ABHD12: variants seen among roughly 807,000 people sequenced by gnomAD.
ABHD12 encodes lysophosphatidylserine lipase ABHD12.
ABHD12 carries 43 observed loss-of-function variants against 58.3 expected under a neutral mutation model. That is an observed-to-expected ratio of 0.74 (90% CI 0.58 to 0.95). The LOEUF is 0.95. Ranked by LOEUF, ABHD12 falls within the 40% of genes least tolerant of loss-of-function variation. The pLI, the probability that ABHD12 is intolerant of heterozygous loss-of-function variation, is 0.00. For synonymous variants in ABHD12, 219 were observed against 211.2 expected, an observed-to-expected ratio of 1.04 and a Z score of -0.32; for missense variants, 539 against 537.2, an observed-to-expected ratio of 1.00 and a Z score of -0.03.
chr20:25,341,670 T>C (rs1233698036), intron 1 of ABHD12, among the ~76,000 whole-genome samples: 2 of 152,150 alleles, frequency 1.3e-5, no homozygotes, highest in African/African-American at 4.8e-5. Flanking sequence ...CTGCAACACA[T>C]CTTAGCTTCC....
intron 4 of ABHD12, among the ~76,000 whole-genome samples, chr20:25,319,867 T>C (rs1390462580): frequency 6.6e-6 from 1 of 152,204 alleles, no homozygotes; most frequent in Admixed American, 6.5e-5. Context: ...TCAGCCTCCT[T>C]CATCCCAATC....
intron 1 of ABHD12, among the ~76,000 whole-genome samples, chr20:25,344,646 C>T (rs754273307): frequency 1.1e-4 from 17 of 152,262 alleles, no homozygotes; most frequent in Admixed American, 3.3e-4. Context: ...AGTTATTTCC[C>T]GGATATTGAC....
intron 4 of ABHD12, among the ~76,000 whole-genome samples, chr20:25,318,939 C>T (rs1029474967): frequency 1.3e-5 from 2 of 152,238 alleles, no homozygotes; most frequent in Non-Finnish European, 2.9e-5. Flanking sequence ...ATGCTCTCTG[C>T]AGGGTTCCAC....
In ABHD12 at chr20:25,329,078, G is replaced by A. The variant is rs563753011; in HGVS notation, c.317-5648C>T. On this transcript the variant is annotated intron_variant, in intron 2 of 12. Transcript: ENST00000339157. The stretch of plus-strand genomic sequence containing the variant: ...ACTCCTGCAGGCCAGTGCCAGGCGA[G>A]TGCCAGGACCCTCTGGCCTCCCACG... Among the ~76,000 whole-genome samples, 18 of 152,342 alleles carry A rather than the reference G, an allele frequency of 1.2e-4. No individual in the cohort carries two copies. The South Asian group carries it at 2.7e-3, about 23-fold the overall frequency.
At position 25,353,071 on chromosome 20, in the gene ABHD12, C is replaced by T. The variant is rs150056095; in HGVS notation, c.192-13720G>A. On this transcript the variant is annotated intron_variant, in intron 1 of 12. Coordinates refer to ENST00000339157, the MANE Select transcript of ABHD12 (RefSeq NM_001042472.3). Reference sequence around the variant, plus strand: ...GGTGATTTTAAATTAGCAGCTCTATCGCCACCACAGTTCTGTCATCTAATT... The same window carrying T: ...GGTGATTTTAAATTAGCAGCTCTATTGCCACCACAGTTCTGTCATCTAATT... Among the ~76,000 whole-genome samples the T allele has an allele frequency of 2.6e-3, 398 of 152,258 alleles. 2 individuals are homozygous for T. Among genetic ancestry groups the T allele is most frequent in the Non-Finnish European group, 2.4e-3 (162 of 68,022 alleles).
intron 11 of ABHD12, 113 bp from the exon 12 acceptor site, chr20:25,302,459 T>TA (rs1780294835): frequency 7.2e-7 from 1 of 1,395,840 alleles, no homozygotes; most frequent in Middle Eastern, 2.5e-4. Context: ...GAGTCCCACA[T>TA]ACACTGCTTG....
intron 4 of ABHD12, among the ~76,000 whole-genome samples, chr20:25,317,895 T>C (rs2088992072): frequency 6.6e-6 from 1 of 152,118 alleles, no homozygotes; most frequent in Non-Finnish European, 1.5e-5. Flanking sequence ...GGGTCCACAC[T>C]CTCCACACTC....
At chr20:25,335,819 A>C in intron 2 of ABHD12, among the ~76,000 whole-genome samples, 1 of 90,384 alleles carries the variant, frequency 1.1e-5, no homozygotes, top group Non-Finnish European at 2.1e-5. Flanking sequence ...GGGTGGGGGG[A>C]GGGGGGAGGG....
intron 1 of ABHD12, among the ~76,000 whole-genome samples, chr20:25,383,847 C>T (rs1248014288): frequency 1.4e-5 from 2 of 146,380 alleles, no homozygotes; most frequent in South Asian, 2.2e-4. Context: ...CCCAGCTACT[C>T]GGGAGGTTGA....
rs2089980551 is a variant in ABHD12, at chr20:25,378,004, C to T, written c.191+12509G>A. On this transcript the variant is annotated intron_variant, in intron 1 of 12. Transcript: ENST00000339157. ...GGCCACCGCGTCCGGCCAGGTCCCA[C>T]TTCTTATATGTAGTTAGTACTACAT... Among the ~76,000 whole-genome samples the T allele has an allele frequency of 3.9e-5, 6 of 152,156 alleles. No individual in the cohort carries two copies. The South Asian group carries it at 1.2e-3, about 31-fold the overall frequency.
chr20:25,388,026 G>A (rs969153948), intron 1 of ABHD12, among the ~76,000 whole-genome samples: 14 of 132,476 alleles, frequency 1.1e-4, no homozygotes, highest in South Asian at 9.3e-4. Flanking sequence ...GCGACAAAGC[G>A]AGACTCCTTC....
rs548381644 is a variant in ABHD12 at position 25,360,798 on chromosome 20, G to T, written c.192-21447C>A. ...ACAGCACCAGGTACCCGTGGCGGGA[G>T]GATCAGGTGGAGGCCAGGATCAGGC... On this transcript the variant is annotated intron_variant, in intron 1 of 12. Transcript: ENST00000339157. Among the ~76,000 whole-genome samples the T allele has an allele frequency of 3.9e-5, 6 of 152,310 alleles. No individual in the cohort carries two copies. In the East Asian group the frequency reaches 1.2e-3, roughly 29 times the overall value.
chr20:25,382,135 C>T (rs2090029800), intron 1 of ABHD12, among the ~76,000 whole-genome samples: 1 of 152,212 alleles, frequency 6.6e-6, no homozygotes, highest in Admixed American at 6.5e-5. Context: ...GAGTGTTACA[C>T]AACTCACCCA....
chr20:25,332,040 T>A (rs2089285529), intron 2 of ABHD12, among the ~76,000 whole-genome samples: 1 of 152,134 alleles, frequency 6.6e-6, no homozygotes, highest in Non-Finnish European at 1.5e-5. Context: ...GACCCATCAG[T>A]GTGCTGTATT....
At chr20:25,350,541 C>T (rs2089584425) in intron 1 of ABHD12, among the ~76,000 whole-genome samples, 1 of 152,220 alleles carries the variant, frequency 6.6e-6, no homozygotes, top group African/African-American at 2.4e-5. Context: ...TCTCCTTTGC[C>T]TTCCACCATG....
intron 2 of ABHD12, among the ~76,000 whole-genome samples, chr20:25,333,392 G>C (rs2089309989): frequency 8.1e-6 from 1 of 122,892 alleles, no homozygotes; most frequent in East Asian, 1.9e-4. Context: ...GGAGGAACTG[G>C]TACCATTCCT....
chr20:25,331,879 A>T (rs1294703830), intron 2 of ABHD12, among the ~76,000 whole-genome samples: 1 of 152,216 alleles, frequency 6.6e-6, no homozygotes, highest in East Asian at 1.9e-4. Flanking sequence ...CATCGAGACT[A>T]GGAAGAAACT....
At chr20:25,321,448 C>T (rs1301198224) in intron 3 of ABHD12, among the ~76,000 whole-genome samples, 1 of 152,264 alleles carries the variant, frequency 6.6e-6, no homozygotes, top group Non-Finnish European at 1.5e-5. Context: ...ATGGTGGGGG[C>T]AGTTGGTGAG....
intron 1 of ABHD12, among the ~76,000 whole-genome samples, chr20:25,362,924 C>T (rs1325418646): frequency 1.3e-5 from 2 of 151,972 alleles, no homozygotes; most frequent in Non-Finnish European, 2.9e-5. Flanking sequence ...CTGCCCACCT[C>T]GGCCTCCCAA....
Sources: gnomAD v4.1 joint callset for allele counts (sites outside exome capture counted in the v4.1 genomes callset) on GRCh38, gnomAD v4.1.1 for gene constraint, MANE v1.5 for transcripts, NCBI Gene and HGNC (gene_info 2026-07-23, HGNC 2026-07-21) for gene names.